PPP4R1: variants seen among roughly 807,000 people sequenced by gnomAD.
PPP4R1 encodes protein phosphatase 4 regulatory subunit 1, also known as serine/threonine-protein phosphatase 4 regulatory subunit 1.
A neutral mutation model predicts 111.2 loss-of-function variants in PPP4R1; 42 were observed. The ratio of observed to expected loss-of-function variants is 0.38; its 90% CI spans 0.29 to 0.49. The LOEUF (loss-of-function observed/expected upper bound fraction) is 0.49, where lower values mean the gene tolerates loss of function less well. PPP4R1 is among the 20% of genes least tolerant of loss of function. The pLI, the probability that PPP4R1 is intolerant of heterozygous loss-of-function variation, is 0.97. For synonymous variants in PPP4R1, 409 were observed against 405.5 expected (o/e 1.01, Z -0.10); for missense variants, 1,012 against 1,161.6 (o/e 0.87, Z 1.87).
chr18:9,614,861 G>C (rs1232003090), upstream of PPP4R1: 1 of 150,156 alleles, frequency 6.7e-6, no homozygotes, highest in East Asian at 2.0e-4. This position sits in a 1 kb window ranked among gnomAD's most constrained non-coding sequence, Gnocchi z 4.1. Flanking sequence ...GCCGCCGGCC[G>C]GGACCCTGCG....
intron 10 of PPP4R1, among the ~76,000 whole-genome samples, chr18:9,573,454 C>A (rs536744399): frequency 6.6e-6 from 1 of 152,174 alleles, no homozygotes; most frequent in African/African-American, 2.4e-5. Flanking sequence ...TTTGTGATAT[C>A]CTTGCAAAAT....
chr18:9,614,282 G>A lies in PPP4R1; in HGVS notation c.8-12C>T, dbSNP rs1394393717. 3 of 1,310,370 alleles carry A rather than the reference G, an allele frequency of 2.3e-6. No individual in the cohort carries two copies. Among genetic ancestry groups the A allele is most frequent in the African/African-American group, 3.1e-5 (2 of 64,384 alleles). 81.2% of individuals were successfully genotyped at this position (1,310,370 alleles called of 1,614,324 possible). Reference sequence around the variant, plus strand: ...AAGCAGCGAGAGGTCTGCGCCGAGGGGAGAGAAGAAAGGCCCGGTCAGCGC... The same window carrying A: ...AAGCAGCGAGAGGTCTGCGCCGAGGAGAGAGAAGAAAGGCCCGGTCAGCGC... On this transcript the variant is annotated splice_polypyrimidine_tract_variant and intron_variant, in intron 1 of 19. Transcript: ENST00000400556. This position sits in a 1 kb window ranked among gnomAD's most constrained non-coding sequence, Gnocchi z 4.1.
intron 10 of PPP4R1, among the ~76,000 whole-genome samples, chr18:9,572,848 G>GT: frequency 6.6e-6 from 1 of 152,216 alleles, no homozygotes; most frequent in Non-Finnish European, 1.5e-5. Flanking sequence ...TTAAATTCTG[G>GT]TATTTTTCTT....
intron 2 of PPP4R1, among the ~76,000 whole-genome samples, chr18:9,602,562 C>G (rs7239076): frequency 0.54 from 79,366 of 146,422 alleles, 21,642 homozygotes; most frequent in Middle Eastern, 0.65. Flanking sequence ...AAAAAAAAAA[C>G]TTGCACCTTT....
At chr18:9,548,499 T>C (rs1337205777) in intron 19 of PPP4R1, among the ~76,000 whole-genome samples, 1 of 152,152 alleles carries the variant, frequency 6.6e-6, no homozygotes, top group Non-Finnish European at 1.5e-5. Flanking sequence ...ATCTGTCTCT[T>C]GCCTAATGAA....
rs111924050 is a variant in PPP4R1 at position 9,561,218 on chromosome 18, CTAATAATAATAATAA to C, written c.1842+747_1842+761del. 1.5e-3 allele frequency among the ~76,000 whole-genome samples: 215 copies of C among 139,110 alleles called. No individual in the cohort carries two copies. In the East Asian group the frequency reaches 0.016, roughly 10 times the overall value. The allele number at this position is 139,110 out of a possible 152,430, so 91.3% of individuals were successfully genotyped here. A position where few individuals can be genotyped will look rare whatever the true frequency, so the allele number is the denominator to read the frequency against. ...TGGGTGACAGAGTGAGACTCCATCT[CTAATAATAATAATAA>C]TAATAATAATAATAATAATAATAAT... On this transcript the variant is annotated intron_variant, in intron 13 of 19. Transcript: ENST00000400556.
intron 2 of PPP4R1, among the ~76,000 whole-genome samples, chr18:9,607,702 C>G (rs780044571): frequency 6.6e-6 from 1 of 151,824 alleles, no homozygotes; most frequent in Non-Finnish European, 1.5e-5. Context: ...TGATGAGGAC[C>G]TGGAACTCTC....
At chr18:9,567,034 G>A (rs76978064) in intron 11 of PPP4R1, among the ~76,000 whole-genome samples, 2,273 of 152,224 alleles carry the variant, frequency 0.015, 48 homozygotes, top group African/African-American at 0.052. Flanking sequence ...ATTATTTCAG[G>A]AATACATTCT....
At chr18:9,615,721 C>A (rs918690106), upstream of PPP4R1, among the ~76,000 whole-genome samples, 2 of 152,172 alleles carry the variant, frequency 1.3e-5, no homozygotes, top group African/African-American at 4.8e-5. Context: ...GCCACTTTGG[C>A]GATGTGGTCT....
In PPP4R1 at chr18:9,589,852, C is replaced by A. The variant is rs62088867; in HGVS notation, c.296-999G>T. Reference sequence around the variant, plus strand: ...GGTGGAGGTTGCAGTGAGCCAAGATCGCGCCACTGCACTCCACCCTGGGCA... The same window carrying A: ...GGTGGAGGTTGCAGTGAGCCAAGATAGCGCCACTGCACTCCACCCTGGGCA... On this transcript the variant is annotated intron_variant, in intron 4 of 19. Coordinates refer to ENST00000400556, the MANE Select transcript of PPP4R1 (RefSeq NM_001042388.3). 7.6e-4 allele frequency: 116 copies of A among 152,432 alleles called. 2 individuals carry two copies. The South Asian group carries it at 0.022, about 29-fold the overall frequency. 9.4% of individuals were successfully genotyped at this position (152,432 alleles called of 1,614,324 possible).
intron 11 of PPP4R1, among the ~76,000 whole-genome samples, chr18:9,567,793 CTT>C (rs1373981223): frequency 6.6e-6 from 1 of 152,162 alleles, no homozygotes; most frequent in Non-Finnish European, 1.5e-5. Context: ...ACACAGCAAG[CTT>C]CCACGCTGTT....
Position 9,614,326 on chromosome 18 carries a change from G to GCCCC in PPP4R1, c.8-60_8-57dup, listed in dbSNP as rs1199992429. 1 of 949,904 alleles carries GCCCC rather than the reference G, an allele frequency of 1.1e-6. No homozygotes were observed. The highest frequency in any genetic ancestry group is 1.3e-6 in the Non-Finnish European group (1 of 777,412). 58.8% of individuals were successfully genotyped at this position (949,904 alleles called of 1,614,324 possible). A position where few individuals can be genotyped will look rare whatever the true frequency, so the allele number is the denominator to read the frequency against. ...TCAGCGCCCCGGGGCCCGGCGCGAC[G>GCCCC]CCCCCCCCCCGCCCGCCTCCCCCCC... On this transcript the variant is annotated intron_variant, in intron 1 of 19. Coordinates refer to ENST00000400556, the MANE Select transcript of PPP4R1 (RefSeq NM_001042388.3). The surrounding 1 kb of genome is among the most constrained non-coding windows in gnomAD (Gnocchi z 4.1).
intron 6 of PPP4R1, 42 bp downstream of exon 6, chr18:9,588,044 TATC>T: frequency 1.9e-6 from 3 of 1,610,388 alleles, no homozygotes; most frequent in Middle Eastern, 1.7e-4. Context: ...AAGCACCTCT[TATC>T]AGCCACATTT....
chr18:9,588,080 T>C lies in PPP4R1; in HGVS notation c.585+9A>G, dbSNP rs768208222. The C allele has an allele frequency of 8.7e-6, 14 of 1,613,318 alleles. No homozygotes were observed. The highest frequency in any genetic ancestry group is 3.3e-5 in the Admixed American group (2 of 59,760). On this transcript the variant is annotated intron_variant, in intron 6 of 19. Transcript: ENST00000400556. ...TTTTGCATAAGTGGAAAAATGGCAT[T>C]TGACTTACAGCCACAGCTTCTGTTT...
intron 16 of PPP4R1, 149 bp downstream of exon 16, chr18:9,553,173 T>C (rs897285881): frequency 1.6e-6 from 1 of 615,290 alleles, no homozygotes; most frequent in African/African-American, 1.9e-5. Flanking sequence ...TCACTGACAG[T>C]AAGACACATA....
intron 15 of PPP4R1, 36 bp from the exon 16 acceptor site, chr18:9,553,458 G>GGT (rs1408559840): frequency 2.2e-6 from 3 of 1,377,834 alleles, no homozygotes; most frequent in Non-Finnish European, 3.1e-6. Flanking sequence ...ACCAGGACAA[G>GGT]GTACAGACAG....
chr18:9,576,819 C>T (rs532980805), intron 10 of PPP4R1, among the ~76,000 whole-genome samples: 4 of 152,024 alleles, frequency 2.6e-5, no homozygotes, highest in Admixed American at 6.5e-5. Context: ...TTCCTATGTG[C>T]GAGGCATCTA....
intron 2 of PPP4R1, among the ~76,000 whole-genome samples, chr18:9,607,538 C>T (rs536765861): frequency 6.6e-6 from 1 of 152,126 alleles, no homozygotes; most frequent in East Asian, 1.9e-4. Context: ...TGAAAAGGCA[C>T]TTCACCAAAG....
At chr18:9,551,484 A>G (rs1419550677) in intron 16 of PPP4R1, 1 of 152,304 alleles carries the variant, frequency 6.6e-6, no homozygotes, top group Non-Finnish European at 1.5e-5. Flanking sequence ...ATTCCCAGAC[A>G]ACCTTCTGAC....
Sources: allele counts gnomAD v4.1 joint callset (sites outside exome capture counted in the v4.1 genomes callset), GRCh38; gene constraint gnomAD v4.1.1; non-coding constraint Gnocchi (gnomAD v3.1); transcripts MANE v1.5; gene names NCBI Gene and HGNC (gene_info 2026-07-23, HGNC 2026-07-21).